The following FBXO27 variants were observed in gnomAD, a reference collection of about 807,000 sequenced individuals.
The protein encoded by FBXO27 is F-box protein 27.
FBXO27 carries 28 observed loss-of-function variants against 28.3 expected under a neutral mutation model. The observed-to-expected ratio is 0.99, with a 90% CI of 0.73 to 1.36. The LOEUF is 1.36. FBXO27 is among the 40% of genes most tolerant of loss of function. FBXO27 has a pLI of 0.00. For synonymous variants in FBXO27, 175 were observed against 167.3 expected (o/e 1.05, Z -0.36); for missense variants, 388 against 394.1 (o/e 0.98, Z 0.13).
chr19:39,025,183 G>C lies in FBXO27; in HGVS notation c.*228C>G. 3.6e-6 allele frequency: 2 copies of C among 553,724 alleles called. No homozygotes were observed. Among genetic ancestry groups the C allele is most frequent in the Admixed American group, 3.4e-5 (1 of 29,392 alleles). 34.3% of individuals were successfully genotyped at this position (553,724 alleles called of 1,614,324 possible). A position where few individuals can be genotyped will look rare whatever the true frequency, so the allele number is the denominator to read the frequency against. ...GTGGGTTTCCCCTCAGTACAGTAGG[G>C]CCCCCCCGCAAAGCAGCAGCTGCAG... is the stretch of plus-strand genomic sequence containing the variant. On this transcript the variant is annotated 3_prime_UTR_variant, in exon 6 of 6. Coordinates refer to ENST00000292853, the MANE Select transcript of FBXO27 (RefSeq NM_178820.5).
In FBXO27 at chr19:39,032,164, C is replaced by T. The variant is rs775668068; in HGVS notation, c.64G>A (p.Glu22Lys). The change falls in exon 2 of 6, where the codon GAG becomes AAG. Residue 22 changes from glutamate (E) to lysine (K), a missense_variant. Physicochemically the swap from Glu to Lys is moderately conservative, Grantham distance 56 (BLOSUM62 1). Coordinates refer to ENST00000292853, the MANE Select transcript of FBXO27 (RefSeq NM_178820.5). The surrounding 1 kb of genome is among the most constrained non-coding windows in gnomAD (Gnocchi z 4.7). ...GGTAGTTGGCTCAGGTCCAGCGCCT[C>T]TTCGGGTTCCGGCTCCGGCGCGGGG... ...RVPAPEPEPE[E>K]ALDLSQLPPE... The T allele has an allele frequency of 8.1e-5, 124 of 1,529,154 alleles. No homozygotes were observed. Among genetic ancestry groups the T allele is most frequent in the Non-Finnish European group, 9.2e-5 (105 of 1,143,446 alleles). 94.7% of individuals were successfully genotyped at this position (1,529,154 alleles called of 1,614,324 possible).
chr19:39,030,827 C>T (rs1043322219), intron 4 of FBXO27: 4 of 606,212 alleles, frequency 6.6e-6, no homozygotes, highest in African/African-American at 3.7e-5. Context: ...GGGCTGGTCT[C>T]GAACTCCTGA....
intron 4 of FBXO27, chr19:39,030,627 T>TC (rs59502541): frequency 2.3e-5 from 4 of 177,322 alleles, no homozygotes; most frequent in Middle Eastern, 2.6e-3. Flanking sequence ...TTTCTTTCTT[T>TC]TTTTTTTCCA....
downstream of FBXO27, among the ~76,000 whole-genome samples, chr19:39,019,424 C>CAAAAA (rs566451562): frequency 2.8e-5 from 1 of 35,450 alleles, no homozygotes; most frequent in African/African-American, 1.1e-4. Context: ...GACTCTGTCT[C>CAAAAA]AAAAAAAAAA....
At chr19:39,020,837 C>T (rs375810951), downstream of FBXO27, among the ~76,000 whole-genome samples, 2 of 148,836 alleles carry the variant, frequency 1.3e-5, no homozygotes, top group African/African-American at 5.0e-5. Context: ...AGATACCACA[C>T]CAGAGGAATT....
Position 39,032,191 on chromosome 19 carries a change from C to A in FBXO27, c.37G>T (p.Val13Phe). Reference protein sequence around the residue: ...ASVSRGRAARVPAPEPEPEEA... With the variant: ...ASVSRGRAARFPAPEPEPEEA... ...TCGGGTTCCGGCTCCGGCGCGGGGA[C>A]CCGGGCGGCCCGGCCCCTGGAGACC... is the stretch of plus-strand genomic sequence containing the variant. Residue 13 changes from valine (V) to phenylalanine (F), a missense_variant, in exon 2 of 6, where the codon GTC becomes TTC. Physicochemically the swap from Val to Phe is conservative, Grantham distance 50. Coordinates refer to ENST00000292853, the MANE Select transcript of FBXO27 (RefSeq NM_178820.5). The surrounding 1 kb of genome is among the most constrained non-coding windows in gnomAD (Gnocchi z 4.7). The A allele has an allele frequency of 6.7e-7, 1 of 1,483,696 alleles. No homozygotes were observed. Among genetic ancestry groups the A allele is most frequent in the South Asian group, 1.3e-5 (1 of 75,686 alleles). 91.9% of individuals were successfully genotyped at this position (1,483,696 alleles called of 1,614,324 possible). A position where few individuals can be genotyped will look rare whatever the true frequency, so the allele number is the denominator to read the frequency against.
intron 2 of FBXO27, among the ~76,000 whole-genome samples, chr19:39,007,025 A>T (rs1371174460): frequency 5.6e-5 from 8 of 142,886 alleles, no homozygotes; most frequent in African/African-American, 1.8e-4. Flanking sequence ...GTGAGCTGAG[A>T]TCATACCACT....
downstream of FBXO27, among the ~76,000 whole-genome samples, chr19:39,021,242 T>G (rs1166054026): frequency 6.6e-6 from 1 of 152,154 alleles, no homozygotes; most frequent in Non-Finnish European, 1.5e-5. Context: ...GAAGAAGTTT[T>G]GGTGCCATAT....
At chr19:39,008,018 A>G (rs1390459888) in intron 2 of FBXO27, among the ~76,000 whole-genome samples, 1 of 152,050 alleles carries the variant, frequency 6.6e-6, no homozygotes, top group Non-Finnish European at 1.5e-5. Flanking sequence ...GATCCTAGCA[A>G]TTTGGGAGGC....
Position 39,031,957 on chromosome 19 carries a change from A to C in FBXO27, c.271T>G (p.Ser91Ala). The change falls in exon 2 of 6, where the codon TCT (serine) becomes GCT (alanine). Residue 91 changes from serine (S) to alanine (A), a missense_variant. By Grantham distance (99) the Ser-to-Ala change is moderately conservative. Coordinates refer to ENST00000292853, the MANE Select transcript of FBXO27 (RefSeq NM_178820.5). ...ALLHLARSCQ[S>A]PARNARPCPL... ...CAAGGCCTGGCGTTACGGGCGGGAG[A>C]CTGGCAGCTGCGGGCGAGGTGCAGC... 1 of 1,518,496 alleles carries C rather than the reference A, an allele frequency of 6.6e-7. No homozygotes were observed. The highest frequency in any genetic ancestry group is 8.7e-7 in the Non-Finnish European group (1 of 1,144,638). The allele number at this position is 1,518,496 out of a possible 1,614,324, so 94.1% of individuals were successfully genotyped here.
At chr19:39,010,847 C>T (rs1361752065) in intron 2 of FBXO27, among the ~76,000 whole-genome samples, 2 of 152,242 alleles carry the variant, frequency 1.3e-5, no homozygotes, top group African/African-American at 4.8e-5. Flanking sequence ...ACTGCCCCTT[C>T]AATAAAGCTG....
chr19:39,020,755 C>CAAA (rs61577516), downstream of FBXO27, among the ~76,000 whole-genome samples: 1 of 105,284 alleles, frequency 9.5e-6, no homozygotes, highest in Admixed American at 1.0e-4. Flanking sequence ...GTGGATATGG[C>CAAA]AAAAAAAAAA....
chr19:39,018,583 T>C (rs1479550517), intron 1 of FBXO27, among the ~76,000 whole-genome samples: 1 of 151,978 alleles, frequency 6.6e-6, no homozygotes, highest in Admixed American at 6.6e-5. Context: ...AGTCATGACA[T>C]TACGAGAGAG....
At chr19:39,015,572 A>G (rs917381788) in intron 1 of FBXO27, among the ~76,000 whole-genome samples, 2 of 152,056 alleles carry the variant, frequency 1.3e-5, no homozygotes, top group African/African-American at 4.8e-5. Flanking sequence ...GGCTGCAGTG[A>G]GCCATGGTCT....
At chr19:39,012,385 T>C (rs1273326110) in intron 2 of FBXO27, among the ~76,000 whole-genome samples, 1 of 150,614 alleles carries the variant, frequency 6.6e-6, no homozygotes, top group East Asian at 2.0e-4. Flanking sequence ...GGTTTCTCCA[T>C]GTTGACCAGG....
chr19:39,019,356 C>A (rs55966336), downstream of FBXO27, among the ~76,000 whole-genome samples: 1 of 129,948 alleles, frequency 7.7e-6, no homozygotes, highest in African/African-American at 2.8e-5. Flanking sequence ...ACCCAGGAGG[C>A]GGAGCTTGTG....
At chr19:39,009,694 G>A (rs2072785609) in intron 2 of FBXO27, among the ~76,000 whole-genome samples, 1 of 152,010 alleles carries the variant, frequency 6.6e-6, no homozygotes, top group South Asian at 2.1e-4. Flanking sequence ...TTGGATACTA[G>A]ACCCTTATCA....
chr19:39,009,743 G>T (rs2072785825), intron 2 of FBXO27, among the ~76,000 whole-genome samples: 1 of 151,966 alleles, frequency 6.6e-6, no homozygotes, highest in Non-Finnish European at 1.5e-5. Flanking sequence ...CAGTCTGTGG[G>T]TTGTCTTTTC....
downstream of FBXO27, among the ~76,000 whole-genome samples, chr19:39,023,128 G>A (rs919666678): frequency 6.6e-6 from 1 of 151,988 alleles, no homozygotes; most frequent in African/African-American, 2.4e-5. Flanking sequence ...TAGTAGAGAC[G>A]GGGTTTCACC....
Sources: allele counts gnomAD v4.1 joint callset (sites outside exome capture counted in the v4.1 genomes callset), GRCh38; gene constraint gnomAD v4.1.1; non-coding constraint Gnocchi (gnomAD v3.1); transcripts MANE v1.5; gene names NCBI Gene and HGNC (gene_info 2026-07-23, HGNC 2026-07-21).